Variants in PCDH7 observed in about 807,000 individuals in gnomAD.
PCDH7 encodes the protein protocadherin 7.
A neutral mutation model predicts 58.9 loss-of-function variants in PCDH7; 17 were observed. The observed-to-expected ratio is 0.29, with a 90% CI of 0.20 to 0.43. The LOEUF (loss-of-function observed/expected upper bound fraction) is 0.43, where lower values mean the gene tolerates loss of function less well. Among genes scored for constraint, PCDH7 ranks in the 20% least tolerant of loss-of-function variants. PCDH7 has a pLI of 1.00. For synonymous variants in PCDH7, 664 were observed against 616.4 expected (o/e 1.08, Z -1.14); for missense variants, 1,274 against 1,441.0 (o/e 0.88, Z 1.88).
In PCDH7 at chr4:30,724,515, G is replaced by A. The variant is rs781451726; in HGVS notation, c.3093G>A (p.Val1031=). 7 of 1,614,022 alleles carry A rather than the reference G, an allele frequency of 4.3e-6. No homozygotes were observed. The East Asian group carries it at 1.6e-4, about 36-fold the overall frequency. The stretch of plus-strand genomic sequence containing the variant: ...ATCTACCACCAGCCAACACATTTGT[G>A]GGAGCAGGAGACAACATTTCAATTG... Residue 1031 remains valine (V), a synonymous_variant, in exon 1 of 2, where the codon GTG becomes GTA. Transcript: ENST00000361762.
At chr4:30,845,518 T>TA (rs1465596058) in intron 1 of PCDH7, among the ~76,000 whole-genome samples, 1 of 152,184 alleles carries the variant, frequency 6.6e-6, no homozygotes, top group Non-Finnish European at 1.5e-5. Flanking sequence ...GCTTGAAACT[T>TA]AAAAACACAT....
chr4:31,098,315 C>A (rs961257108), intron 3 of PCDH7, among the ~76,000 whole-genome samples: 1 of 152,230 alleles, frequency 6.6e-6, no homozygotes, highest in East Asian at 1.9e-4. Flanking sequence ...ATTTCTAGTA[C>A]AATTTGAGTC....
chr4:30,747,977 C>T (rs895122805), intron 1 of PCDH7, among the ~76,000 whole-genome samples: 4 of 152,104 alleles, frequency 2.6e-5, no homozygotes, highest in African/African-American at 9.7e-5. Context: ...TTGCTTTTCC[C>T]TCAGAATAAT....
At chr4:30,889,598 A>T (rs1331876574) in intron 1 of PCDH7, among the ~76,000 whole-genome samples, 2 of 152,176 alleles carry the variant, frequency 1.3e-5, no homozygotes, top group African/African-American at 4.8e-5. Context: ...TGGTTTATAA[A>T]CCCATCAGAG....
chr4:30,774,560 G>T (rs76692501), intron 1 of PCDH7, among the ~76,000 whole-genome samples: 220 of 152,218 alleles, frequency 1.4e-3, no homozygotes, highest in Non-Finnish European at 2.4e-3. Context: ...CAGAAGCCGG[G>T]GTATTGCAGT....
intron 3 of PCDH7, among the ~76,000 whole-genome samples, chr4:31,026,480 T>G (rs1055150528): frequency 6.6e-6 from 1 of 152,220 alleles, no homozygotes; most frequent in Non-Finnish European, 1.5e-5. Context: ...GAACATATTA[T>G]GGAGCTGACA....
chr4:30,923,156 C>G (rs1743401480), intron 2 of PCDH7, among the ~76,000 whole-genome samples: 1 of 152,094 alleles, frequency 6.6e-6, no homozygotes, highest in Non-Finnish European at 1.5e-5. Flanking sequence ...ATTATTACCT[C>G]AAACATTTTT....
chr4:30,731,291 C>G (rs1715452990), exon 2 of PCDH7: 1 of 288,590 alleles, frequency 3.5e-6, no homozygotes, highest in Non-Finnish European at 5.2e-6. Context: ...TTTGCTCATT[C>G]TGTGTGTGTA....
chr4:30,776,552 A>G (rs1389113898), intron 1 of PCDH7, among the ~76,000 whole-genome samples: 1 of 152,218 alleles, frequency 6.6e-6, no homozygotes, highest in Non-Finnish European at 1.5e-5. Flanking sequence ...GAAACAAATG[A>G]AGTAAATCAA....
intron 1 of PCDH7, among the ~76,000 whole-genome samples, chr4:30,770,852 A>G (rs1313781506): frequency 5.9e-5 from 9 of 152,212 alleles, no homozygotes; most frequent in Admixed American, 5.9e-4. Context: ...TGTCTTTTAA[A>G]AAAACAACCA....
intron 1 of PCDH7, among the ~76,000 whole-genome samples, chr4:30,825,389 C>A (rs1217508341): frequency 6.6e-6 from 1 of 152,040 alleles, no homozygotes; most frequent in East Asian, 1.9e-4. Flanking sequence ...TATGTTTTAT[C>A]TTTTTTTGTT....
chr4:31,122,747 G>A (rs954642844), intron 3 of PCDH7, among the ~76,000 whole-genome samples: 1 of 150,942 alleles, frequency 6.6e-6, no homozygotes, highest in Admixed American at 6.6e-5. Flanking sequence ...AGTAAATTGG[G>A]ATTTAAGCAG....
At chr4:31,006,807 G>T (rs1474540586) in intron 3 of PCDH7, among the ~76,000 whole-genome samples, 1 of 151,628 alleles carries the variant, frequency 6.6e-6, no homozygotes, top group Non-Finnish European at 1.5e-5. Context: ...CAGGAGAATA[G>T]CTTGAACCTG....
chr4:30,837,079 T>C (rs1376851492), intron 1 of PCDH7, among the ~76,000 whole-genome samples: 1 of 152,034 alleles, frequency 6.6e-6, no homozygotes, highest in Non-Finnish European at 1.5e-5. Flanking sequence ...TGGTTAAGAG[T>C]GTAAGAACTG....
chr4:30,972,957 C>A (rs565976738), intron 3 of PCDH7, among the ~76,000 whole-genome samples: 4 of 152,136 alleles, frequency 2.6e-5, no homozygotes, highest in Non-Finnish European at 5.9e-5. Flanking sequence ...TTCTTGAACA[C>A]TTCCTAGATG....
intron 3 of PCDH7, among the ~76,000 whole-genome samples, chr4:31,011,999 C>T (rs943612454): frequency 1.3e-5 from 2 of 151,944 alleles, no homozygotes; most frequent in African/African-American, 4.8e-5. Context: ...ATTACATACC[C>T]TATATTTTAT....
intron 3 of PCDH7, among the ~76,000 whole-genome samples, chr4:31,091,885 T>G (rs1553849157): frequency 6.6e-6 from 1 of 151,946 alleles, no homozygotes; most frequent in Non-Finnish European, 1.5e-5. Context: ...CTTGCATGAT[T>G]AAAGGAAATG....
intron 3 of PCDH7, among the ~76,000 whole-genome samples, chr4:31,061,316 A>G (rs1047501628): frequency 1.3e-5 from 2 of 151,642 alleles, no homozygotes; most frequent in African/African-American, 4.8e-5. Flanking sequence ...GTCTCCCAAC[A>G]GTGTTTGGCT....
chr4:30,955,090 A>T (rs1243790469), intron 3 of PCDH7, among the ~76,000 whole-genome samples: 2 of 152,020 alleles, frequency 1.3e-5, no homozygotes, highest in East Asian at 3.9e-4. Context: ...AAAATTTTGA[A>T]TGATTATTAT....
Sources: gnomAD v4.1 joint callset for allele counts (sites outside exome capture counted in the v4.1 genomes callset) on GRCh38, gnomAD v4.1.1 for gene constraint, MANE v1.5 for transcripts, NCBI Gene and HGNC (gene_info 2026-07-23, HGNC 2026-07-21) for gene names.